Variants in EPHA6 observed in about 807,000 individuals in gnomAD.
EPHA6 encodes the protein ephrin type-A receptor 6.
A neutral mutation model predicts 112.0 loss-of-function variants in EPHA6; 50 were observed. The ratio of observed to expected loss-of-function variants is 0.45; its 90% CI spans 0.36 to 0.56. The LOEUF (loss-of-function observed/expected upper bound fraction) is 0.56. Among genes scored for constraint, EPHA6 ranks in the 20% least tolerant of loss-of-function variants. The probability of loss-of-function intolerance (pLI) is 0.00; values close to 1 mark genes in which losing one functional copy is unlikely to be tolerated. For missense variants in EPHA6, 1,280 were observed against 1,417.4 expected (o/e 0.90, Z 1.56); for synonymous variants, 529 against 490.7 (o/e 1.08, Z -1.03).
intron 3 of EPHA6, among the ~76,000 whole-genome samples, chr3:97,057,444 G>A (rs868694187): frequency 3.3e-5 from 5 of 152,314 alleles, no homozygotes; most frequent in Middle Eastern, 3.4e-3. Flanking sequence ...GTCCTCAAAA[G>A]AGACTTTGCT....
rs139953360 is a variant in EPHA6, at chr3:96,846,710, G to A, written c.386-20115G>A. 2.9e-3 allele frequency among the ~76,000 whole-genome samples: 444 copies of A among 152,116 alleles called. 4 individuals carry two copies. Among genetic ancestry groups the A allele is most frequent in the African/African-American group, 9.8e-3 (406 of 41,532 alleles). Reference sequence around the variant, plus strand: ...AAAATGAACTTAGAATAAACTAAGAGAGGACTATTTACTGGGTGTATTTAC... The same window carrying A: ...AAAATGAACTTAGAATAAACTAAGAAAGGACTATTTACTGGGTGTATTTAC... On this transcript the variant is annotated intron_variant, in intron 1 of 17. Coordinates refer to ENST00000389672, the MANE Select transcript of EPHA6 (RefSeq NM_001080448.3).
At chr3:97,408,963 A>T in intron 6 of EPHA6, among the ~76,000 whole-genome samples, 1 of 152,112 alleles carries the variant, frequency 6.6e-6, no homozygotes, top group Middle Eastern at 3.2e-3. Flanking sequence ...AAAAGAATTG[A>T]TTTCAACCCT....
At chr3:97,272,768 G>A (rs2108644452) in intron 5 of EPHA6, among the ~76,000 whole-genome samples, 1 of 152,192 alleles carries the variant, frequency 6.6e-6, no homozygotes, top group East Asian at 1.9e-4. Context: ...CTTTTGTGGT[G>A]GAATGTCATC....
intron 3 of EPHA6, among the ~76,000 whole-genome samples, chr3:97,109,257 A>G (rs2108277903): frequency 6.6e-6 from 1 of 152,284 alleles, no homozygotes; most frequent in African/African-American, 2.4e-5. Flanking sequence ...CTTGTAAAAC[A>G]TGTAAATGGA....
chr3:97,094,406 C>T (rs2047174545), intron 3 of EPHA6, among the ~76,000 whole-genome samples: 1 of 152,066 alleles, frequency 6.6e-6, no homozygotes, highest in South Asian at 2.1e-4. Flanking sequence ...TTTCTATTCT[C>T]ATTATATCTC....
chr3:97,427,134 C>T (rs931181779), intron 6 of EPHA6, among the ~76,000 whole-genome samples: 20 of 152,104 alleles, frequency 1.3e-4, no homozygotes, highest in African/African-American at 3.6e-4. Context: ...AGCACTGTGG[C>T]GATTCCTCAA....
At chr3:97,170,119 T>G (rs2076658139) in intron 3 of EPHA6, among the ~76,000 whole-genome samples, 1 of 120,810 alleles carries the variant, frequency 8.3e-6, no homozygotes, top group South Asian at 2.3e-4. Flanking sequence ...ATCCCAGAAC[T>G]TAAAGAAAAA....
At chr3:97,087,694 GA>G (rs1419724532) in intron 3 of EPHA6, among the ~76,000 whole-genome samples, 1 of 152,146 alleles carries the variant, frequency 6.6e-6, no homozygotes, top group African/African-American at 2.4e-5. Flanking sequence ...ATTGTCTTCT[GA>G]AATGACAGTA....
intron 6 of EPHA6, among the ~76,000 whole-genome samples, chr3:97,425,427 C>T (rs1430360266): frequency 6.6e-6 from 1 of 152,266 alleles, no homozygotes; most frequent in Non-Finnish European, 1.5e-5. Flanking sequence ...AAGTTTGGGG[C>T]TTGCACCCCC....
At chr3:97,028,389 A>G (rs2044714329) in intron 3 of EPHA6, among the ~76,000 whole-genome samples, 1 of 152,110 alleles carries the variant, frequency 6.6e-6, no homozygotes, top group Admixed American at 6.6e-5. Flanking sequence ...TAATAATAGG[A>G]GCTCAATAAA....
rs544752088 is a variant in EPHA6, at chr3:97,552,154, G to A, written c.2386+19611G>A. On this transcript the variant is annotated intron_variant, in intron 11 of 17. Coordinates refer to ENST00000389672, the MANE Select transcript of EPHA6 (RefSeq NM_001080448.3). ...CAGACTCAGAAAATATTTCACACAA[G>A]CTACCTCCACGCAGAAAATGTGGAA... 1.9e-3 allele frequency among the ~76,000 whole-genome samples: 284 copies of A among 152,242 alleles called. 1 individual carries two copies. The highest frequency in any genetic ancestry group is 6.5e-3 in the African/African-American group (271 of 41,554).
intron 13 of EPHA6, among the ~76,000 whole-genome samples, chr3:97,625,434 CTT>C: frequency 1.3e-5 from 2 of 151,810 alleles, no homozygotes; most frequent in East Asian, 3.9e-4. Context: ...TTTGAAATCT[CTT>C]GATACTTAAA....
intron 3 of EPHA6, among the ~76,000 whole-genome samples, chr3:97,130,781 A>C (rs1204032540): frequency 6.6e-6 from 1 of 152,170 alleles, no homozygotes; most frequent in Non-Finnish European, 1.5e-5. Context: ...TGCCTATTCT[A>C]GGCTATGGGT....
chr3:97,392,093 C>T (rs2109066003), intron 5 of EPHA6, among the ~76,000 whole-genome samples: 1 of 151,818 alleles, frequency 6.6e-6, no homozygotes, highest in African/African-American at 2.4e-5. Flanking sequence ...AAGAATAAGC[C>T]ACATATATTA....
rs76694137 is a variant in EPHA6, at chr3:97,610,408, G to A, written c.2513-385G>A. 3.5e-3 allele frequency among the ~76,000 whole-genome samples: 530 copies of A among 151,724 alleles called. 3 individuals carry two copies. Among genetic ancestry groups the A allele is most frequent in the African/African-American group, 0.012 (512 of 41,504 alleles). ...GCAAAATTGCTGCACTGCCTTAGAA[G>A]TTGTACCACAACTGCAAAAGCAGCT... On this transcript the variant is annotated intron_variant, in intron 12 of 17. Transcript: ENST00000389672.
At chr3:97,226,528 A>G (rs1049305442) in intron 4 of EPHA6, 109 bp downstream of exon 4, 1 of 1,008,738 alleles carries the variant, frequency 9.9e-7, no homozygotes, top group Admixed American at 2.4e-5. Flanking sequence ...TATCAATGCC[A>G]TTTGTCTGTG....
chr3:97,282,824 C>T (rs574194705), intron 5 of EPHA6, among the ~76,000 whole-genome samples: 4 of 152,128 alleles, frequency 2.6e-5, no homozygotes, highest in Non-Finnish European at 4.4e-5. Context: ...CAACACACAC[C>T]GGGGCCTATC....
At chr3:97,577,085 T>A (rs991826227) in intron 11 of EPHA6, among the ~76,000 whole-genome samples, 1 of 152,148 alleles carries the variant, frequency 6.6e-6, no homozygotes, top group Non-Finnish European at 1.5e-5. Context: ...GGTACAATCA[T>A]GGCCTACTGC....
intron 3 of EPHA6, among the ~76,000 whole-genome samples, chr3:97,084,067 AGT>A (rs145113129): frequency 0.54 from 59,325 of 109,172 alleles, 16,743 homozygotes; most frequent in East Asian, 0.91. Flanking sequence ...TATTTCTTAA[AGT>A]GTGTGTGTGT....
Sources: gnomAD v4.1 joint callset for allele counts (sites outside exome capture counted in the v4.1 genomes callset) on GRCh38, gnomAD v4.1.1 for gene constraint, MANE v1.5 for transcripts, NCBI Gene and HGNC (gene_info 2026-07-23, HGNC 2026-07-21) for gene names.